The following DLG4 variants were observed in gnomAD, a reference collection of about 807,000 sequenced individuals.
DLG4 encodes the protein disks large homolog 4.
DLG4 carries 7 observed loss-of-function variants against 93.8 expected under a neutral mutation model. That is an observed-to-expected ratio of 0.07 (90% CI 0.04 to 0.14). The LOEUF is 0.14. DLG4 is among the 10% of genes least tolerant of loss of function. The probability of loss-of-function intolerance (pLI) is 1.00; values close to 1 mark genes in which losing one functional copy is unlikely to be tolerated. For synonymous variants in DLG4, 341 were observed against 387.6 expected (o/e 0.88, Z 1.41); for missense variants, 545 against 992.9 (o/e 0.55, Z 6.06).
intron 2 of DLG4, among the ~76,000 whole-genome samples, chr17:7,207,282 G>A (rs1451607687): frequency 6.6e-6 from 1 of 152,034 alleles, no homozygotes; most frequent in Admixed American, 6.6e-5. Flanking sequence ...AGGCCCCAGC[G>A]GCCTGGGCTG....
At position 7,188,519 on chromosome 17, in the gene DLG4, C is replaced by T. The variant is rs542514993; in HGVS notation, c.*2189G>A. 1.3e-5 allele frequency among the ~76,000 whole-genome samples: 2 copies of T among 152,246 alleles called. No individual in the cohort carries two copies. The highest frequency in any genetic ancestry group is 4.2e-4 in the South Asian group (2 of 4,816). The stretch of plus-strand genomic sequence containing the variant: ...CCCCCAAAGGTTCATCTGTGCCAAA[C>T]ACATGAAGAAGGCAGAAGGCTGAGA... On this transcript the variant is annotated 3_prime_UTR_variant, in exon 20 of 20. Coordinates refer to ENST00000399506, the MANE Select transcript of DLG4 (RefSeq NM_001321075.3).
At position 7,208,371 on chromosome 17, in the gene DLG4, C is replaced by A. The variant is rs184505883; in HGVS notation, c.31-132G>T. ...CCTGGGGCCTGACCAGCTCCTCCCC[C>A]TCCCTCTCCTCTAGCCCATTGGCTC... is the stretch of plus-strand genomic sequence containing the variant. On this transcript the variant is annotated intron_variant, in intron 1 of 19. Transcript: ENST00000399506. The surrounding 1 kb of genome is among the most constrained non-coding windows in gnomAD (Gnocchi z 5.4). 8.4e-5 allele frequency: 61 copies of A among 729,204 alleles called. No homozygotes were observed. The African/African-American group carries it at 1.0e-3, about 12-fold the overall frequency. 45.2% of individuals were successfully genotyped at this position (729,204 alleles called of 1,614,324 possible). A position where few individuals can be genotyped will look rare whatever the true frequency, so the allele number is the denominator to read the frequency against.
upstream of DLG4, chr17:7,218,289 A>T: frequency 6.2e-7 from 1 of 1,607,972 alleles, no homozygotes; most frequent in East Asian, 2.2e-5. Context: ...TGTCTGTCAC[A>T]GGAACAGAAC....
chr17:7,196,552 A>G lies in DLG4; in HGVS notation c.1107T>C (p.Asn369=). 1.2e-6 allele frequency: 2 copies of G among 1,614,002 alleles called. No homozygotes were observed. Among genetic ancestry groups the G allele is most frequent in the African/African-American group, 1.3e-5 (1 of 75,054 alleles). The change falls in exon 10 of 20, where the codon AAT becomes AAC. Residue 369 remains asparagine (N), a synonymous_variant. Transcript: ENST00000399506. This position sits in a 1 kb window ranked among gnomAD's most constrained non-coding sequence, Gnocchi z 8.3. Reference sequence around the variant, plus strand: ...CAATGGCAGCCTGCTCATGGCTGGCATTTCGGAGGTCCACACCGTTGACCT... The same window carrying G: ...CAATGGCAGCCTGCTCATGGCTGGCGTTTCGGAGGTCCACACCGTTGACCT... ...ILSVNGVDLR[N]ASHEQAAIAL...
In DLG4 at chr17:7,188,849, T is replaced by C. The variant is rs1287395360; in HGVS notation, c.*1859A>G. Among the ~76,000 whole-genome samples the C allele has an allele frequency of 2.0e-5, 3 of 152,158 alleles. No homozygotes were observed. Among genetic ancestry groups the C allele is most frequent in the Non-Finnish European group, 4.4e-5 (3 of 68,024 alleles). ...CATAAAGGCTGGGCGTAGTGGCTCA[T>C]GCCTGTAATCTTAACACTGTGGGAG... On this transcript the variant is annotated 3_prime_UTR_variant, in exon 20 of 20. Coordinates refer to ENST00000399506, the MANE Select transcript of DLG4 (RefSeq NM_001321075.3).
At chr17:7,209,407 C>T (rs931091629) in intron 1 of DLG4, among the ~76,000 whole-genome samples, 2 of 152,070 alleles carry the variant, frequency 1.3e-5, no homozygotes, top group African/African-American at 4.8e-5. Context: ...CCTCCAAGCT[C>T]CAGGTTCAGG....
Position 7,205,306 on chromosome 17 carries a change from A to G in DLG4, c.97-1054T>C, listed in dbSNP as rs1170879785. On this transcript the variant is annotated intron_variant, in intron 2 of 19. Transcript: ENST00000399506. ...CCCTGACGTCAATCGCCTGGTCTCT[A>G]GACTCCCAGGCGGGGCCCGCTTTAG... 8 of 489,242 alleles carry G rather than the reference A, an allele frequency of 1.6e-5. No individual in the cohort carries two copies. In the South Asian group the frequency reaches 5.2e-4, roughly 32 times the overall value. 30.3% of individuals were successfully genotyped at this position (489,242 alleles called of 1,614,324 possible). A position where few individuals can be genotyped will look rare whatever the true frequency, so the allele number is the denominator to read the frequency against.
At chr17:7,204,984 G>C (rs1470998577) in intron 2 of DLG4, 9 of 985,582 alleles carry the variant, frequency 9.1e-6, no homozygotes, top group Non-Finnish European at 1.1e-5. Flanking sequence ...AGGGGGGTGG[G>C]GCGTGGCCTG....
chr17:7,210,021 A>T (rs933786873), intron 1 of DLG4, among the ~76,000 whole-genome samples: 7 of 152,198 alleles, frequency 4.6e-5, no homozygotes, highest in Admixed American at 2.0e-4. Flanking sequence ...TAGCCTGGCG[A>T]CAGAGTGAGA....
chr17:7,218,213 A>G (rs1236567004), upstream of DLG4: 1 of 1,597,292 alleles, frequency 6.3e-7, no homozygotes, highest in Admixed American at 1.7e-5. Context: ...CCCCTCAGGA[A>G]GTTAGGCGCT....
chr17:7,217,299 G>C lies in DLG4; in HGVS notation c.-152C>G. On this transcript the variant is annotated 5_prime_UTR_variant, in exon 1 of 20. Transcript: ENST00000399506. ...GGGAGGGGTGAGAGGGGAAGGAGGG[G>C]GTTGGAGAAGGGAAGGGGAGGGGAG... is the stretch of plus-strand genomic sequence containing the variant. The C allele has an allele frequency of 1.9e-6, 2 of 1,064,748 alleles. No individual in the cohort carries two copies. Among genetic ancestry groups the C allele is most frequent in the Non-Finnish European group, 2.4e-6 (2 of 832,924 alleles). The allele number at this position is 1,064,748 out of a possible 1,614,324, so 66.0% of individuals were successfully genotyped here. A position where few individuals can be genotyped will look rare whatever the true frequency, so the allele number is the denominator to read the frequency against.
chr17:7,219,902 G>T, upstream of DLG4: 2 of 1,555,818 alleles, frequency 1.3e-6, no homozygotes, highest in South Asian at 1.2e-5. Context: ...GATGAGTCAG[G>T]GTTAGGGGCG....
rs989388660 is a variant in DLG4, at chr17:7,196,380, G to A, written c.1187-46C>T. ...TTCTGAGCTCTGTCCCCATCCTACT[G>A]TCACCCCTGTCCTCCCCTACTGAAG... is the stretch of plus-strand genomic sequence containing the variant. On this transcript the variant is annotated intron_variant, in intron 10 of 19. Transcript: ENST00000399506. The surrounding 1 kb of genome is among the most constrained non-coding windows in gnomAD (Gnocchi z 8.3). The A allele has an allele frequency of 1.1e-5, 18 of 1,608,826 alleles. No homozygotes were observed. The African/African-American group carries it at 2.3e-4, about 20-fold the overall frequency.
rs1032540870 is a variant in DLG4 at position 7,190,645 on chromosome 17, C to T, written c.*63G>A. 7.4e-7 allele frequency: 1 copy of T among 1,353,504 alleles called. No individual in the cohort carries two copies. Among genetic ancestry groups the T allele is most frequent in the Non-Finnish European group, 1.1e-6 (1 of 943,228 alleles). 83.8% of individuals were successfully genotyped at this position (1,353,504 alleles called of 1,614,324 possible). On this transcript the variant is annotated 3_prime_UTR_variant, in exon 20 of 20. Coordinates refer to ENST00000399506, the MANE Select transcript of DLG4 (RefSeq NM_001321075.3). ...GGGGGAGCCAAGGGCTTGGGCAATT[C>T]AGTCCAGACCAAGGGCCCAGGTGAT... is the stretch of plus-strand genomic sequence containing the variant.
rs1259913370 is a variant in DLG4 at position 7,188,526 on chromosome 17, A to G, written c.*2182T>C. ...AGGTTCATCTGTGCCAAACACATGA[A>G]GAAGGCAGAAGGCTGAGAGTCACCA... On this transcript the variant is annotated 3_prime_UTR_variant, in exon 20 of 20. Transcript: ENST00000399506. 6.6e-6 allele frequency among the ~76,000 whole-genome samples: 1 copy of G among 152,200 alleles called. No homozygotes were observed. The highest frequency in any genetic ancestry group is 2.4e-5 in the African/African-American group (1 of 41,454).
At chr17:7,218,562 C>T (rs756716538), upstream of DLG4, 13 of 1,562,980 alleles carry the variant, frequency 8.3e-6, no homozygotes, top group South Asian at 4.7e-5. Flanking sequence ...TGGAAGAGGT[C>T]GCTATGCAGC....
Position 7,191,746 on chromosome 17 carries a change from C to T in DLG4, c.1976+147G>A, listed in dbSNP as rs2069510554. 5.0e-6 allele frequency: 3 copies of T among 604,292 alleles called. No individual in the cohort carries two copies. Among genetic ancestry groups the T allele is most frequent in the East Asian group, 5.5e-5 (2 of 36,162 alleles). 37.4% of individuals were successfully genotyped at this position (604,292 alleles called of 1,614,324 possible). A position where few individuals can be genotyped will look rare whatever the true frequency, so the allele number is the denominator to read the frequency against. Reference sequence around the variant, plus strand: ...GGAGGGGAAAGACCCGATTCCCCCACATCCTCTGGGTTCCAGGGATCCCCC... The same window carrying T: ...GGAGGGGAAAGACCCGATTCCCCCATATCCTCTGGGTTCCAGGGATCCCCC... On this transcript the variant is annotated intron_variant, in intron 18 of 19. Coordinates refer to ENST00000399506, the MANE Select transcript of DLG4 (RefSeq NM_001321075.3). The surrounding 1 kb of genome is among the most constrained non-coding windows in gnomAD (Gnocchi z 6.6).
At chr17:7,207,579 C>T (rs1360500942) in intron 2 of DLG4, among the ~76,000 whole-genome samples, 1 of 151,964 alleles carries the variant, frequency 6.6e-6, no homozygotes, top group Non-Finnish European at 1.5e-5. Context: ...GCAGCAGGCG[C>T]TTGGAACAGA....
upstream of DLG4, chr17:7,219,929 C>CAGGACGCGGGCGTGT (rs2071102576): frequency 2.5e-6 from 4 of 1,574,108 alleles, no homozygotes; most frequent in Non-Finnish European, 3.4e-6. Flanking sequence ...CGTGGGCGTG[C>CAGGACGCGGGCGTGT]AGGACGCCAG....
Sources: allele counts gnomAD v4.1 joint callset (sites outside exome capture counted in the v4.1 genomes callset), GRCh38; gene constraint gnomAD v4.1.1; non-coding constraint Gnocchi (gnomAD v3.1); transcripts MANE v1.5; gene names NCBI Gene and HGNC (gene_info 2026-07-23, HGNC 2026-07-21).